MACROD1: variants seen among roughly 807,000 people sequenced by gnomAD.
The protein encoded by MACROD1 is ADP-ribose glycohydrolase MACROD1.
Under a neutral mutation model 41.4 loss-of-function variants are expected in MACROD1, and 31 were observed. The observed-to-expected ratio is 0.75, with a 90% CI of 0.56 to 1.01. The LOEUF is 1.01. MACROD1 is among the 50% of genes least tolerant of loss of function. MACROD1 has a pLI of 0.00. For missense variants in MACROD1, 473 were observed against 460.0 expected (o/e 1.03, Z -0.26); for synonymous variants, 252 against 203.4 (o/e 1.24, Z -2.03).
At chr11:64,087,342 ACCCTGCCAC>A (rs945649913) in intron 3 of MACROD1, among the ~76,000 whole-genome samples, 68 of 151,658 alleles carry the variant, frequency 4.5e-4, no homozygotes, top group Non-Finnish European at 5.5e-4. Flanking sequence ...CCTCACCCCA[ACCCTGCCAC>A]CCCTGCCACC....
intron 3 of MACROD1, among the ~76,000 whole-genome samples, chr11:64,032,118 C>T (rs995611639): frequency 1.3e-5 from 2 of 152,194 alleles, no homozygotes; most frequent in African/African-American, 4.8e-5. Context: ...GACCCCACCC[C>T]CCAGTGAGGA....
At chr11:64,038,736 A>G (rs1215027594) in intron 3 of MACROD1, among the ~76,000 whole-genome samples, 2 of 152,072 alleles carry the variant, frequency 1.3e-5, no homozygotes, top group Non-Finnish European at 2.9e-5. Context: ...CTTCTGCTCT[A>G]GAGTCTGGAA....
intron 1 of MACROD1, 21 bp downstream of exon 1, chr11:64,165,676 C>A (rs371414522): frequency 7.2e-7 from 1 of 1,390,812 alleles, no homozygotes; most frequent in Non-Finnish European, 9.4e-7. Flanking sequence ...CTCCCTCGCG[C>A]CCCCTCGTGC....
rs1441242800 is a variant in MACROD1 at position 64,000,262 on chromosome 11, G to C, written c.629C>G (p.Ala210Gly). 1 of 1,606,604 alleles carries C rather than the reference G, an allele frequency of 6.2e-7. No individual in the cohort carries two copies. The highest frequency in any genetic ancestry group is 8.5e-7 in the Non-Finnish European group (1 of 1,177,318). ...GAGCCGATAGCCGCCGGTGATCTTGGCCTTGCCAGTCTTACAGCTCTGCAG... is the reference window on the plus strand; with the variant it reads ...GAGCCGATAGCCGCCGGTGATCTTGCCCTTGCCAGTCTTACAGCTCTGCAG... ...RTLQSCKTGK[A>G]KITGGYRLPA... is the part of the protein sequence containing the mutation. Residue 210 changes from alanine to glycine, a missense_variant, in exon 5 of 11, where the codon GCC becomes GGC. Transcript: ENST00000255681.
chr11:64,132,700 T>G (rs1945282553), intron 3 of MACROD1, among the ~76,000 whole-genome samples: 1 of 152,176 alleles, frequency 6.6e-6, no homozygotes. Context: ...CTAATGAATG[T>G]GGCTCTTCCC....
At chr11:64,026,900 G>T (rs1293267220) in intron 3 of MACROD1, among the ~76,000 whole-genome samples, 2 of 152,142 alleles carry the variant, frequency 1.3e-5, no homozygotes, top group African/African-American at 4.8e-5. Context: ...TGACCACCCA[G>T]TTAAAAGGCC....
intron 3 of MACROD1, among the ~76,000 whole-genome samples, chr11:64,040,672 G>A (rs982491710): frequency 5.3e-5 from 8 of 152,202 alleles, no homozygotes; most frequent in African/African-American, 2.4e-5. Flanking sequence ...TGTTTATGAC[G>A]GGGGCGGTAG....
chr11:64,028,442 G>A (rs1427807875), intron 3 of MACROD1, among the ~76,000 whole-genome samples: 1 of 152,248 alleles, frequency 6.6e-6, no homozygotes, highest in Non-Finnish European at 1.5e-5. Context: ...GAGGGAGAGG[G>A]AGGAGGGAAA....
intron 3 of MACROD1, among the ~76,000 whole-genome samples, chr11:64,046,552 G>A (rs909880017): frequency 5.3e-5 from 8 of 152,156 alleles, no homozygotes; most frequent in African/African-American, 1.4e-4. Flanking sequence ...TGATTGGCCC[G>A]TTCTTTTTTT....
chr11:64,134,099 C>T (rs1442659757), intron 3 of MACROD1, among the ~76,000 whole-genome samples: 2 of 152,206 alleles, frequency 1.3e-5, no homozygotes, highest in Non-Finnish European at 2.9e-5. Flanking sequence ...TGAGAAAAGG[C>T]AGGAGAAGTT....
chr11:64,093,618 G>A lies in MACROD1; in HGVS notation c.517+57621C>T, dbSNP rs555359036. ...GTTCTTGGGCCTCCCAGAACAGGTCGGTCTTCCTTCTCTGCTGAAGACAGG... is the reference window on the plus strand; with the variant it reads ...GTTCTTGGGCCTCCCAGAACAGGTCAGTCTTCCTTCTCTGCTGAAGACAGG... On this transcript the variant is annotated intron_variant, in intron 3 of 10. Transcript: ENST00000255681. 1.6e-4 allele frequency among the ~76,000 whole-genome samples: 25 copies of A among 152,312 alleles called. No individual in the cohort carries two copies. The South Asian group carries it at 3.7e-3, about 23-fold the overall frequency.
intron 3 of MACROD1, among the ~76,000 whole-genome samples, chr11:64,029,566 C>T (rs1279709495): frequency 1.3e-5 from 2 of 152,152 alleles, no homozygotes; most frequent in African/African-American, 4.8e-5. Context: ...CCATTTGCTT[C>T]CACCTGCCAC....
intron 3 of MACROD1, among the ~76,000 whole-genome samples, chr11:64,054,712 C>T (rs1467481921): frequency 6.6e-6 from 1 of 152,128 alleles, no homozygotes; most frequent in Non-Finnish European, 1.5e-5. Context: ...TATCTTGCTC[C>T]CAAATCAACA....
At position 64,095,687 on chromosome 11, in the gene MACROD1, G is replaced by A. The variant is rs1483069019; in HGVS notation, c.517+55552C>T. ...TGGACTGGAATCCCCAGCTCACAGC[G>A]GAGGTCTGAGGAGGGCTGGGTTTCT... On this transcript the variant is annotated intron_variant, in intron 3 of 10. Coordinates refer to ENST00000255681, the MANE Select transcript of MACROD1 (RefSeq NM_014067.4). Among the ~76,000 whole-genome samples the A allele has an allele frequency of 5.9e-5, 9 of 152,234 alleles. No homozygotes were observed. The South Asian group carries it at 1.0e-3, about 18-fold the overall frequency.
chr11:64,039,061 C>G (rs1276459471), intron 3 of MACROD1, among the ~76,000 whole-genome samples: 1 of 152,184 alleles, frequency 6.6e-6, no homozygotes, highest in East Asian at 1.9e-4. Flanking sequence ...CTTGGGGTGG[C>G]AGGGAGGACT....
At position 63,999,440 on chromosome 11, in the gene MACROD1, T is replaced by G. The variant is rs560890144; in HGVS notation, c.818-36A>C. 764 of 1,558,404 alleles carry G rather than the reference T, an allele frequency of 4.9e-4. 14 individuals are homozygous for G. In the South Asian group the frequency reaches 8.7e-3, roughly 18 times the overall value. Reference sequence around the variant, plus strand: ...TGGGGCGGGAGTGAGTCCTAGGCTCTGGCCCCGCCCACTCCCCTGTCCGCC... The same window carrying G: ...TGGGGCGGGAGTGAGTCCTAGGCTCGGGCCCCGCCCACTCCCCTGTCCGCC... On this transcript the variant is annotated intron_variant, in intron 7 of 10. Transcript: ENST00000255681.
In MACROD1 at chr11:64,090,155, C is replaced by G. The variant is rs1374343180; in HGVS notation, c.517+61084G>C. Among the ~76,000 whole-genome samples the G allele has an allele frequency of 6.6e-6, 1 of 152,160 alleles. No individual in the cohort carries two copies. Among genetic ancestry groups the G allele is most frequent in the African/African-American group, 2.4e-5 (1 of 41,424 alleles). ...CCACGGGGCTAGGGACTCATCTCTG[C>G]CTGTCTTCCCAGGCCCCAGGTTTCA... On this transcript the variant is annotated intron_variant, in intron 3 of 10. Coordinates refer to ENST00000255681, the MANE Select transcript of MACROD1 (RefSeq NM_014067.4). This position sits in a 1 kb window ranked among gnomAD's most constrained non-coding sequence, Gnocchi z 4.7.
At chr11:64,005,981 C>T (rs1047591075) in intron 4 of MACROD1, among the ~76,000 whole-genome samples, 3 of 152,214 alleles carry the variant, frequency 2.0e-5, no homozygotes, top group Non-Finnish European at 2.9e-5. Flanking sequence ...AGCCAAGCCT[C>T]GGTGCAGCCC....
At chr11:64,043,329 C>T (rs536622633) in intron 3 of MACROD1, among the ~76,000 whole-genome samples, 24 of 152,308 alleles carry the variant, frequency 1.6e-4, no homozygotes, top group African/African-American at 5.3e-4. Context: ...GCTAGCTTTC[C>T]GCCCTCAGGA....
Sources: allele counts gnomAD v4.1 joint callset (sites outside exome capture counted in the v4.1 genomes callset), GRCh38; gene constraint gnomAD v4.1.1; non-coding constraint Gnocchi (gnomAD v3.1); transcripts MANE v1.5; gene names NCBI Gene and HGNC (gene_info 2026-07-23, HGNC 2026-07-21).